IQCM: variants seen among roughly 807,000 people sequenced by gnomAD.
IQCM encodes the protein IQ motif containing M.
Under a neutral mutation model 57.6 loss-of-function variants are expected in IQCM, and 45 were observed. The ratio of observed to expected loss-of-function variants is 0.78; its 90% confidence interval spans 0.62 to 1.00. The LOEUF is 1.00. Among genes scored for constraint, IQCM ranks in the 50% least tolerant of loss-of-function variants. The pLI, the probability that IQCM is intolerant of heterozygous loss-of-function variation, is 0.00. For synonymous variants in IQCM, 148 were observed against 158.9 expected (o/e 0.93, Z 0.51); for missense variants, 468 against 511.6 (o/e 0.91, Z 0.82).
chr4:149,544,088 G>A (rs1022498666), intron 12 of IQCM, among the ~76,000 whole-genome samples: 1 of 152,016 alleles, frequency 6.6e-6, no homozygotes, highest in African/African-American at 2.4e-5. Flanking sequence ...GTACTAGTAT[G>A]TGAGCCCTTT....
At chr4:149,518,338 A>G (rs1745209314) in intron 12 of IQCM, among the ~76,000 whole-genome samples, 1 of 152,200 alleles carries the variant, frequency 6.6e-6, no homozygotes, top group Admixed American at 6.5e-5. Flanking sequence ...GGTAGATGAG[A>G]GACCTGTGAA....
Position 149,802,534 on chromosome 4 carries a change from C to A in IQCM, c.-49+12777G>T, listed in dbSNP as rs550532348. Among the ~76,000 whole-genome samples the A allele has an allele frequency of 2.6e-5, 4 of 152,028 alleles. 1 individual carries two copies. The South Asian group carries it at 8.3e-4, about 32-fold the overall frequency. ...ACAACTTGTATTGGCCCACTTTTTGCTCCCTTTGCCCTTGAAAACCTGCTT... is the reference window on the plus strand; with the variant it reads ...ACAACTTGTATTGGCCCACTTTTTGATCCCTTTGCCCTTGAAAACCTGCTT... On this transcript the variant is annotated intron_variant, in intron 2 of 13. Coordinates refer to ENST00000636793, the MANE Select transcript of IQCM (RefSeq NM_001363507.2).
chr4:149,726,403 C>A (rs1765948381), intron 5 of IQCM, among the ~76,000 whole-genome samples: 1 of 152,154 alleles, frequency 6.6e-6, no homozygotes, highest in Non-Finnish European at 1.5e-5. Context: ...GCTGTCCTTG[C>A]TCCTTTCTAA....
intron 13 of IQCM, among the ~76,000 whole-genome samples, chr4:149,368,663 T>C (rs1302551184): frequency 6.7e-6 from 1 of 149,764 alleles, no homozygotes; most frequent in East Asian, 2.0e-4. Context: ...ATTTCTTTTT[T>C]TGAGGCTTTA....
chr4:149,644,991 G>A (rs186515921), intron 7 of IQCM, among the ~76,000 whole-genome samples: 290 of 152,220 alleles, frequency 1.9e-3, no homozygotes, highest in African/African-American at 4.6e-3. Context: ...ACTATCTGGT[G>A]GTTATAGACT....
rs959211432 is a variant in IQCM, at chr4:149,352,030, C to T, written c.1427G>A (p.Arg476Gln). ...GHPALKRANI[R>Q]VVGKLVARSI... ...TCGGGCCACCAACTTTCCAACAACC[C>T]GGATGTTAGCTCGTTTGAGTGCTGG... Residue 476 changes from arginine to glutamine, a missense_variant, in exon 14 of 14, where the codon CGG becomes CAG. Transcript: ENST00000636793. 94 of 398,844 alleles carry T rather than the reference C, an allele frequency of 2.4e-4. No individual in the cohort carries two copies. Among genetic ancestry groups the T allele is most frequent in the African/African-American group, 1.7e-3 (84 of 48,714 alleles). The allele number at this position is 398,844 out of a possible 1,614,324, so 24.7% of individuals were successfully genotyped here.
chr4:149,592,655 C>A (rs1753316215), intron 8 of IQCM, among the ~76,000 whole-genome samples: 2 of 144,462 alleles, frequency 1.4e-5, no homozygotes, highest in Admixed American at 6.8e-5. Context: ...GGAAGGGATC[C>A]AGTTTCAGCT....
chr4:149,638,717 G>A (rs1757931858), intron 7 of IQCM, among the ~76,000 whole-genome samples: 2 of 152,150 alleles, frequency 1.3e-5, no homozygotes, highest in South Asian at 4.1e-4. Flanking sequence ...CTTAGCCTAG[G>A]TAGATCCAAT....
chr4:149,632,528 G>C (rs1757356899), intron 7 of IQCM, among the ~76,000 whole-genome samples: 1 of 152,088 alleles, frequency 6.6e-6, no homozygotes, highest in South Asian at 2.1e-4. Flanking sequence ...GAAGATTGAA[G>C]GTCACTAATG....
intron 11 of IQCM, among the ~76,000 whole-genome samples, chr4:149,548,827 C>T (rs1748723673): frequency 6.6e-6 from 1 of 152,228 alleles, no homozygotes; most frequent in African/African-American, 2.4e-5. Flanking sequence ...ATACTGACTT[C>T]ATGATAATTG....
intron 2 of IQCM, among the ~76,000 whole-genome samples, chr4:149,769,497 A>T (rs1297821966): frequency 6.6e-6 from 1 of 151,974 alleles, no homozygotes; most frequent in Non-Finnish European, 1.5e-5. Context: ...GTGCAAAATG[A>T]TATCAAAGAT....
At chr4:149,587,242 AAT>A (rs1432836536) in intron 9 of IQCM, among the ~76,000 whole-genome samples, 1 of 151,794 alleles carries the variant, frequency 6.6e-6, no homozygotes, top group Non-Finnish European at 1.5e-5. Flanking sequence ...TCAAGAGTCA[AAT>A]AGTTTCCCTC....
At chr4:149,518,321 C>T (rs977995341) in intron 12 of IQCM, among the ~76,000 whole-genome samples, 3 of 152,092 alleles carry the variant, frequency 2.0e-5, no homozygotes, top group African/African-American at 7.2e-5. Context: ...TACCCTAGTG[C>T]TTACTGGGTA....
At chr4:149,485,448 T>C (rs1485975273) in intron 12 of IQCM, among the ~76,000 whole-genome samples, 1 of 151,784 alleles carries the variant, frequency 6.6e-6, no homozygotes, top group Non-Finnish European at 1.5e-5. Context: ...AAATAGTCTG[T>C]CTTCAAGCTC....
chr4:149,810,623 T>C lies in IQCM; in HGVS notation c.-49+4688A>G, dbSNP rs527824299. ...TGCCACCACGCCCGGCTAAGTTTTG[T>C]ATTTTTTTAGTAGAGACGGGGTTTC... On this transcript the variant is annotated intron_variant, in intron 2 of 13. Transcript: ENST00000636793. 1.8e-4 allele frequency among the ~76,000 whole-genome samples: 27 copies of C among 152,006 alleles called. No individual in the cohort carries two copies. In the South Asian group the frequency reaches 5.6e-3, roughly 32 times the overall value.
At chr4:149,658,269 T>A (rs183140665) in intron 7 of IQCM, among the ~76,000 whole-genome samples, 4 of 152,048 alleles carry the variant, frequency 2.6e-5, no homozygotes, top group Non-Finnish European at 5.9e-5. Flanking sequence ...TTTTCCCCAA[T>A]GTGTGTTCTT....
At chr4:149,451,367 T>C (rs752037087) in intron 12 of IQCM, among the ~76,000 whole-genome samples, 3 of 151,826 alleles carry the variant, frequency 2.0e-5, no homozygotes, top group Non-Finnish European at 2.9e-5. Flanking sequence ...AAAGCATAAA[T>C]ACTTAAGGGG....
At chr4:149,674,725 G>A (rs1761601715) in intron 7 of IQCM, among the ~76,000 whole-genome samples, 1 of 152,076 alleles carries the variant, frequency 6.6e-6, no homozygotes, top group Non-Finnish European at 1.5e-5. Flanking sequence ...AAATCCAGGT[G>A]GAAACCTTAA....
chr4:149,672,481 C>T (rs563283794), intron 7 of IQCM, among the ~76,000 whole-genome samples: 2 of 152,172 alleles, frequency 1.3e-5, no homozygotes, highest in South Asian at 2.1e-4. Flanking sequence ...GTGACGCATG[C>T]GCAAGCTTCA....
Sources: gnomAD v4.1 joint callset for allele counts (sites outside exome capture counted in the v4.1 genomes callset) on GRCh38, gnomAD v4.1.1 for gene constraint, MANE v1.5 for transcripts, NCBI Gene and HGNC (gene_info 2026-07-23, HGNC 2026-07-21) for gene names.